TMEM213: variants seen among roughly 807,000 people sequenced by gnomAD.
The protein encoded by TMEM213 is transmembrane protein 213.
In TMEM213, 7 loss-of-function variants were observed where a neutral mutation model predicts 11.6. That is an observed-to-expected ratio of 0.60 (90% confidence interval 0.34 to 1.13). The LOEUF (loss-of-function observed/expected upper bound fraction) is 1.13, where lower values mean the gene tolerates loss of function less well. TMEM213 is among the 50% of genes most tolerant of loss of function. TMEM213 has a pLI of 0.03. For missense variants in TMEM213, 129 were observed against 139.0 expected (o/e 0.93, Z 0.36); for synonymous variants, 60 against 58.3 (o/e 1.03, Z -0.13).
rs1483831220 is a variant in TMEM213 at position 138,805,828 on chromosome 7, T to A, written c.*2759T>A. On this transcript the variant is annotated 3_prime_UTR_variant, in exon 3 of 3. Transcript: ENST00000442682. ...CATGAGGCCCGTTGTTCTTTCAACC[T>A]GAGCCGCATGGCTCTTGTGTCTTTA... 1 of 151,998 alleles carries A rather than the reference T, an allele frequency of 6.6e-6. No homozygotes were observed. Among genetic ancestry groups the A allele is most frequent in the Non-Finnish European group, 1.5e-5 (1 of 68,024 alleles). 9.4% of individuals were successfully genotyped at this position (151,998 alleles called of 1,614,324 possible).
chr7:138,798,329 T>C (rs1223046628), intron 1 of TMEM213, 143 bp downstream of exon 1: 7 of 290,762 alleles, frequency 2.4e-5, no homozygotes, highest in Non-Finnish European at 6.3e-6. Context: ...CAGAACTTTC[T>C]CATCTGAAGG....
At position 138,803,004 on chromosome 7, in the gene TMEM213, A is replaced by G; in HGVS notation, c.259A>G (p.Ile87Val). The change falls in exon 3 of 3, where the codon ATC (isoleucine) becomes GTC (valine). Residue 87 changes from isoleucine (I) to valine (V), a missense_variant. Transcript: ENST00000442682. The part of the protein sequence containing the change: ...VGWSLWFLTL[I>V]LLCVDKLMKL... ...CTGGAGCCTCTGGTTCCTCACCCTC[A>G]TCCTGCTCTGTGTGGACAAACTGAT... 6.2e-7 allele frequency: 1 copy of G among 1,613,734 alleles called. No individual in the cohort carries two copies.
chr7:138,802,498 C>T (rs1233943243), intron 2 of TMEM213, among the ~76,000 whole-genome samples: 1 of 148,934 alleles, frequency 6.7e-6, no homozygotes, highest in East Asian at 2.0e-4. Context: ...TTGCAGTGAG[C>T]TGAGATCATG....
At chr7:138,798,324 CT>C in intron 1 of TMEM213, 138 bp downstream of exon 1, 1 of 293,170 alleles carries the variant, frequency 3.4e-6, no homozygotes, top group South Asian at 2.6e-5. Flanking sequence ...GGAAACAGAA[CT>C]TTCTCATCTG....
intron 2 of TMEM213, chr7:138,801,728 C>A: frequency 3.1e-6 from 1 of 319,492 alleles, no homozygotes; most frequent in South Asian, 6.9e-5. Context: ...CAACTTCCAC[C>A]CAATGCAACA....
intron 2 of TMEM213, among the ~76,000 whole-genome samples, chr7:138,802,662 T>C (rs57252563): frequency 0.21 from 31,412 of 152,032 alleles, 4,481 homozygotes; most frequent in African/African-American, 0.41. Context: ...CATCTTGTGA[T>C]CTTGGGCAAA....
chr7:138,798,250 G>C, intron 1 of TMEM213, 64 bp downstream of exon 1: 3 of 1,465,696 alleles, frequency 2.0e-6, no homozygotes, highest in Non-Finnish European at 2.8e-6. Context: ...GAAGAGAGGT[G>C]GGAGGGAAAG....
Position 138,805,179 on chromosome 7 carries a change from C to T in TMEM213, c.*2110C>T, listed in dbSNP as rs1352605203. 3 of 148,194 alleles carry T rather than the reference C, an allele frequency of 2.0e-5. No individual in the cohort carries two copies. The highest frequency in any genetic ancestry group is 7.6e-5 in the African/African-American group (3 of 39,658). The allele number at this position is 148,194 out of a possible 1,614,324, so 9.2% of individuals were successfully genotyped here. A position where few individuals can be genotyped will look rare whatever the true frequency, so the allele number is the denominator to read the frequency against. On this transcript the variant is annotated 3_prime_UTR_variant, in exon 3 of 3. Coordinates refer to ENST00000442682, the MANE Select transcript of TMEM213 (RefSeq NM_001085429.2). Reference sequence around the variant, plus strand: ...CTTGTTCCTAAGTGTTAAATGATCACATACATAAAAGAGTCTGAGCCTGAG... The same window carrying T: ...CTTGTTCCTAAGTGTTAAATGATCATATACATAAAAGAGTCTGAGCCTGAG...
chr7:138,802,577 G>T (rs1357159339), intron 2 of TMEM213, among the ~76,000 whole-genome samples: 2 of 147,230 alleles, frequency 1.4e-5, no homozygotes, highest in Non-Finnish European at 3.0e-5. Flanking sequence ...AAAAGGAAGG[G>T]GTATTAGGGA....
intron 1 of TMEM213, 39 bp downstream of exon 1, chr7:138,798,225 G>T (rs560081346): frequency 4.5e-6 from 7 of 1,543,048 alleles, no homozygotes; most frequent in Admixed American, 1.9e-5. Context: ...GGCTGGGAAG[G>T]GGGAGGGAAG....
chr7:138,803,033 G>T lies in TMEM213; in HGVS notation c.288G>T (p.Lys96Asn). The part of the protein sequence containing the change: ...LILLCVDKLM[K>N]LTPDEPKDLQ... The stretch of plus-strand genomic sequence containing the variant: ...TGCTCTGTGTGGACAAACTGATGAA[G>T]CTGACTCCAGATGAGCCCAAGGACT... The change falls in exon 3 of 3, where the codon AAG (lysine) becomes AAT (asparagine). Residue 96 changes from lysine (K) to asparagine (N), a missense_variant. Coordinates refer to ENST00000442682, the MANE Select transcript of TMEM213 (RefSeq NM_001085429.2). The T allele has an allele frequency of 6.2e-7, 1 of 1,613,764 alleles. No homozygotes were observed. Among genetic ancestry groups the T allele is most frequent in the East Asian group, 2.2e-5 (1 of 44,876 alleles).
intron 2 of TMEM213, among the ~76,000 whole-genome samples, chr7:138,801,981 T>A (rs1331212502): frequency 6.6e-6 from 1 of 152,112 alleles, no homozygotes; most frequent in Non-Finnish European, 1.5e-5. Flanking sequence ...CTGACCAATA[T>A]GGTGAAACCC....
chr7:138,798,282 TTG>T, intron 1 of TMEM213, 96 bp downstream of exon 1: 2 of 1,015,554 alleles, frequency 2.0e-6, no homozygotes, highest in Non-Finnish European at 2.7e-6. Context: ...GGAAGATTCT[TTG>T]GCCAGGGTTG....
intron 2 of TMEM213, 71 bp from the exon 3 acceptor site, chr7:138,802,828 AT>A (rs1808990913): frequency 6.9e-7 from 1 of 1,445,992 alleles, no homozygotes; most frequent in Non-Finnish European, 9.2e-7. Context: ...TGTTCTGTTA[AT>A]ATTAATGGTA....
chr7:138,806,022 C>T lies in TMEM213; in HGVS notation c.*2953C>T, dbSNP rs1809095269. 2 of 152,112 alleles carry T rather than the reference C, an allele frequency of 1.3e-5. No homozygotes were observed. Among genetic ancestry groups the T allele is most frequent in the African/African-American group, 2.4e-5 (1 of 41,402 alleles). 9.4% of individuals were successfully genotyped at this position (152,112 alleles called of 1,614,324 possible). ...TCACATTAAAATGTAGGCATTTTGT[C>T]AATTGCTTTTCTTTCATCTGCACAA... On this transcript the variant is annotated 3_prime_UTR_variant, in exon 3 of 3. Transcript: ENST00000442682.
At chr7:138,799,681 G>A (rs1808865369) in intron 1 of TMEM213, 1 of 152,178 alleles carries the variant, frequency 6.6e-6, no homozygotes. Context: ...TCAGGGCCAA[G>A]GAAGTTATTT....
chr7:138,803,969 C>T lies in TMEM213; in HGVS notation c.*900C>T, dbSNP rs1176404117. 6.6e-6 allele frequency: 1 copy of T among 152,148 alleles called. No individual in the cohort carries two copies. The highest frequency in any genetic ancestry group is 2.4e-5 in the African/African-American group (1 of 41,382). 9.4% of individuals were successfully genotyped at this position (152,148 alleles called of 1,614,324 possible). ...AAGTTAAAAATAAAAATGTGAGAAT[C>T]CCCTTGACACTCCCACCATCTTCAC... On this transcript the variant is annotated 3_prime_UTR_variant, in exon 3 of 3. Transcript: ENST00000442682.
intron 2 of TMEM213, among the ~76,000 whole-genome samples, chr7:138,802,119 T>C (rs1024527224): frequency 6.6e-6 from 1 of 151,648 alleles, no homozygotes; most frequent in Non-Finnish European, 1.5e-5. Flanking sequence ...TGAGCCGAAA[T>C]TGCACCACTG....
In TMEM213 at chr7:138,802,901, C is replaced by G. The variant is rs778307980; in HGVS notation, c.156C>G (p.Asn52Lys). Residue 52 changes from asparagine (N) to lysine (K), a missense_variant and splice_region_variant, in exon 3 of 3, where the codon AAC becomes AAG. Coordinates refer to ENST00000442682, the MANE Select transcript of TMEM213 (RefSeq NM_001085429.2). ...TCCTTGCTGTCCCTTCCCCACCAGA[C>G]GTGGACTTCTGCCCACAAGCAGCCC... ...PDPGTLEQCLNVDFCPQAARC... is the reference protein window; with the variant it reads ...PDPGTLEQCLKVDFCPQAARC... 3 of 1,566,110 alleles carry G rather than the reference C, an allele frequency of 1.9e-6. No individual in the cohort carries two copies. The Admixed American group carries it at 5.7e-5, about 30-fold the overall frequency.
Sources: allele counts gnomAD v4.1 joint callset (sites outside exome capture counted in the v4.1 genomes callset), GRCh38; gene constraint gnomAD v4.1.1; transcripts MANE v1.5; gene names NCBI Gene and HGNC (gene_info 2026-07-23, HGNC 2026-07-21).